PDE4D: variants seen among roughly 807,000 people sequenced by gnomAD.
PDE4D encodes 3',5'-cyclic-AMP phosphodiesterase 4D.
A neutral mutation model predicts 87.4 loss-of-function variants in PDE4D; 24 were observed. That is an observed-to-expected ratio of 0.27 (90% confidence interval 0.20 to 0.39). PDE4D has a LOEUF of 0.39. Among genes scored for constraint, PDE4D ranks in the 10% least tolerant of loss-of-function variants. PDE4D has a pLI of 1.00. For synonymous variants in PDE4D, 384 were observed against 383.2 expected, an observed-to-expected ratio of 1.00 and a Z score of -0.02; for missense variants, 714 against 1,041.0, an observed-to-expected ratio of 0.69 and a Z score of 4.32.
At chr5:59,918,277 C>A (rs1754292497) in intron 3 of PDE4D, among the ~76,000 whole-genome samples, 1 of 151,816 alleles carries the variant, frequency 6.6e-6, no homozygotes, top group Non-Finnish European at 1.5e-5. Flanking sequence ...TAAAGAGGCA[C>A]CTGTTTGTGC....
At chr5:59,050,350 T>C (rs1189101947) in intron 5 of PDE4D, among the ~76,000 whole-genome samples, 1 of 152,016 alleles carries the variant, frequency 6.6e-6, no homozygotes, top group Non-Finnish European at 1.5e-5. Context: ...ATGAACAGAG[T>C]CTCAGAAAGG....
chr5:60,377,796 T>C (rs768520344), intron 1 of PDE4D, among the ~76,000 whole-genome samples: 17 of 152,074 alleles, frequency 1.1e-4, no homozygotes, highest in Non-Finnish European at 2.2e-4. Flanking sequence ...GAAAAAGATA[T>C]ATTCAAATGG....
chr5:60,014,601 C>T lies in PDE4D; in HGVS notation c.43-25884G>A, dbSNP rs1204579939. On this transcript the variant is annotated intron_variant, in intron 2 of 16. Coordinates refer to the PDE4D transcript ENST00000502484. ...TTAAACTCTTAAAAACGTTACTGCA[C>T]AGGATTCTGACTCTCAGTCTAAAGA... Among the ~76,000 whole-genome samples, 4 of 152,130 alleles carry T rather than the reference C, an allele frequency of 2.6e-5. No individual in the cohort carries two copies. The East Asian group carries it at 7.7e-4, about 29-fold the overall frequency.
At chr5:58,978,426 G>T (rs1378368659) in intron 11 of PDE4D, among the ~76,000 whole-genome samples, 5 of 151,872 alleles carry the variant, frequency 3.3e-5, no homozygotes, top group Non-Finnish European at 7.4e-5. Context: ...AAAAAGAAAA[G>T]AAAAGAAAAG....
At chr5:60,495,300 A>G (rs1433291535) in intron 1 of PDE4D, among the ~76,000 whole-genome samples, 1 of 152,224 alleles carries the variant, frequency 6.6e-6, no homozygotes, top group Non-Finnish European at 1.5e-5. Context: ...ACTGAGTCAC[A>G]GTTGCACTAG....
chr5:59,600,817 C>T (rs1827398910), intron 1 of PDE4D, among the ~76,000 whole-genome samples: 1 of 152,114 alleles, frequency 6.6e-6, no homozygotes, highest in Non-Finnish European at 1.5e-5. Context: ...CCTGCGATAA[C>T]AAATGTAAAT....
intron 1 of PDE4D, among the ~76,000 whole-genome samples, chr5:60,231,701 TG>T (rs1352505932): frequency 2.0e-4 from 30 of 152,090 alleles, no homozygotes; most frequent in African/African-American, 7.2e-4. Context: ...ATAAGACAGT[TG>T]TAATCCTATA....
intron 6 of PDE4D, among the ~76,000 whole-genome samples, chr5:59,008,200 C>G (rs1752030882): frequency 6.6e-6 from 1 of 152,000 alleles, no homozygotes. Context: ...CAAAAATAAT[C>G]TTGTATGAAA....
In PDE4D at chr5:59,710,149, G is replaced by A. The variant is rs143017253; in HGVS notation, c.455+183019C>T. Among the ~76,000 whole-genome samples the A allele has an allele frequency of 4.7e-3, 708 of 152,238 alleles. 5 individuals carry two copies. The highest frequency in any genetic ancestry group is 0.016 in the African/African-American group (656 of 41,534). Reference sequence around the variant, plus strand: ...GAACTATGCTGGCTCAGTGCCCAGGGAAGTCGGAAGAATTCAAGTCAGGAC... The same window carrying A: ...GAACTATGCTGGCTCAGTGCCCAGGAAAGTCGGAAGAATTCAAGTCAGGAC... On this transcript the variant is annotated intron_variant, in intron 1 of 14. Transcript: ENST00000340635.
intron 1 of PDE4D, among the ~76,000 whole-genome samples, chr5:60,246,846 C>T (rs1219582144): frequency 6.6e-6 from 1 of 151,850 alleles, no homozygotes; most frequent in Non-Finnish European, 1.5e-5. Context: ...GTTTAGGAAT[C>T]TTGTGAAACT....
At chr5:60,147,249 A>T (rs575774579) in intron 2 of PDE4D, among the ~76,000 whole-genome samples, 3 of 152,218 alleles carry the variant, frequency 2.0e-5, no homozygotes, top group African/African-American at 7.2e-5. Flanking sequence ...CACCTTTGAA[A>T]GTTGGTGCCT....
chr5:60,061,739 C>T lies in PDE4D; in HGVS notation c.43-73022G>A, dbSNP rs565311011. On this transcript the variant is annotated intron_variant, in intron 2 of 16. Coordinates refer to the PDE4D transcript ENST00000502484. ...ACAGGTATCAAAACAGACACATATA[C>T]CAATGGAACAGAATAGAGACCTCAG... is the stretch of plus-strand genomic sequence containing the variant. Among the ~76,000 whole-genome samples the T allele has an allele frequency of 3.8e-3, 573 of 152,056 alleles. 2 individuals are homozygous for T. Among genetic ancestry groups the T allele is most frequent in the Middle Eastern group, 6.8e-3 (2 of 294 alleles).
At chr5:59,754,068 G>A (rs1406794393) in intron 1 of PDE4D, among the ~76,000 whole-genome samples, 1 of 152,150 alleles carries the variant, frequency 6.6e-6, no homozygotes, top group Non-Finnish European at 1.5e-5. Context: ...AGTGGCTCAT[G>A]CCTGTAATCC....
At chr5:59,454,424 GCTCT>G (rs997058510) in intron 1 of PDE4D, among the ~76,000 whole-genome samples, 5 of 152,178 alleles carry the variant, frequency 3.3e-5, no homozygotes, top group African/African-American at 1.2e-4. Context: ...CCCTGCATAA[GCTCT>G]CTCTTTGCCT....
chr5:60,058,425 C>T (rs937239277), intron 2 of PDE4D, among the ~76,000 whole-genome samples: 4 of 151,846 alleles, frequency 2.6e-5, no homozygotes, highest in African/African-American at 7.3e-5. Flanking sequence ...AATAACATCC[C>T]CATAAGGATT....
intron 1 of PDE4D, among the ~76,000 whole-genome samples, chr5:60,226,406 C>T (rs1331030837): frequency 6.6e-6 from 1 of 152,006 alleles, no homozygotes; most frequent in Non-Finnish European, 1.5e-5. Flanking sequence ...TCAAATAAAT[C>T]AAACAGGGTG....
rs114447091 is a variant in PDE4D, at chr5:59,524,960, T to C, written c.456-308992A>G. ...GAGGATGTATGGAAATGCCTGGATG[T>C]CCAGGCAAGAGCCTGCTGCAGGGAC... On this transcript the variant is annotated intron_variant, in intron 1 of 14. Coordinates refer to ENST00000340635, the MANE Select transcript of PDE4D (RefSeq NM_001104631.2). Among the ~76,000 whole-genome samples, 1,291 of 152,318 alleles carry C rather than the reference T, an allele frequency of 8.5e-3. 21 individuals carry two copies. Among genetic ancestry groups the C allele is most frequent in the African/African-American group, 0.029 (1,207 of 41,554 alleles).
At chr5:59,345,533 A>G (rs936866377) in intron 1 of PDE4D, among the ~76,000 whole-genome samples, 6 of 152,188 alleles carry the variant, frequency 3.9e-5, no homozygotes, top group African/African-American at 1.4e-4. Context: ...TCACAGTTAC[A>G]TAGTATTCAT....
chr5:59,431,879 T>C (rs1396246845), intron 1 of PDE4D, among the ~76,000 whole-genome samples: 1 of 152,108 alleles, frequency 6.6e-6, no homozygotes. Flanking sequence ...TCATGTGGCA[T>C]TTGGTTTTCT....
Sources: allele counts gnomAD v4.1 joint callset (sites outside exome capture counted in the v4.1 genomes callset), GRCh38; gene constraint gnomAD v4.1.1; transcripts MANE v1.5; gene names NCBI Gene and HGNC (gene_info 2026-07-23, HGNC 2026-07-21).